Variants in ASB5 observed in about 807,000 individuals in gnomAD.
ASB5 encodes ankyrin repeat and SOCS box protein 5.
ASB5 carries 45 observed loss-of-function variants against 42.1 expected under a neutral mutation model. The ratio of observed to expected loss-of-function variants is 1.07; its 90% CI spans 0.84 to 1.37. The LOEUF (loss-of-function observed/expected upper bound fraction) is 1.37. ASB5 is among the 40% of genes most tolerant of loss of function. ASB5 has a pLI of 0.00. For missense variants in ASB5, 402 were observed against 399.8 expected, an observed-to-expected ratio of 1.01 and a Z score of -0.05; for synonymous variants, 147 against 150.6, an observed-to-expected ratio of 0.98 and a Z score of 0.18.
chr4:176,245,401 G>A (rs1024229992), intron 1 of ASB5, among the ~76,000 whole-genome samples: 5 of 152,126 alleles, frequency 3.3e-5, no homozygotes, highest in African/African-American at 1.2e-4. Flanking sequence ...GAAACAACAG[G>A]TGCTGGAGAG....
In ASB5 at chr4:176,266,592, G is replaced by T. The variant is rs6841344; in HGVS notation, c.196+2321C>A. Among the ~76,000 whole-genome samples, 1,388 of 152,058 alleles carry T rather than the reference G, an allele frequency of 9.1e-3. 14 individuals carry two copies. The highest frequency in any genetic ancestry group is 0.031 in the African/African-American group (1,272 of 41,494). On this transcript the variant is annotated intron_variant, in intron 1 of 6. Coordinates refer to ENST00000296525, the MANE Select transcript of ASB5 (RefSeq NM_080874.4). ...GAAGATTAAGAAAGAGTTTTATAAG[G>T]TACCTGATTTGCTCTCTTAATGTTA...
Position 176,221,556 on chromosome 4 carries a change from T to C in ASB5, c.429A>G (p.Ala143=). The C allele has an allele frequency of 6.2e-7, 1 of 1,613,804 alleles. No individual in the cohort carries two copies. The highest frequency in any genetic ancestry group is 8.5e-7 in the Non-Finnish European group (1 of 1,179,778). ...CACAGCTTGGACTGCCTTGGGAGCATGCGTTGAATAACGGAGTCACGCCAT... is the reference window on the plus strand; with the variant it reads ...CACAGCTTGGACTGCCTTGGGAGCACGCGTTGAATAACGGAGTCACGCCAT... ...TIDGVTPLFN[A]CSQGSPSCAE... is the part of the protein sequence containing the mutation. Residue 143 remains alanine, a synonymous_variant, in exon 4 of 7, where the codon GCA becomes GCG. Coordinates refer to ENST00000296525, the MANE Select transcript of ASB5 (RefSeq NM_080874.4).
chr4:176,235,575 T>G (rs1211725874), intron 1 of ASB5, among the ~76,000 whole-genome samples: 2 of 152,206 alleles, frequency 1.3e-5, no homozygotes, highest in Admixed American at 1.3e-4. Context: ...TATTTATTTA[T>G]TTAATTATCT....
At chr4:176,275,060 G>T (rs189937604) in intron 2 of ASB5, among the ~76,000 whole-genome samples, 1 of 151,776 alleles carries the variant, frequency 6.6e-6, no homozygotes, top group African/African-American at 2.4e-5. Flanking sequence ...GATTACAGGC[G>T]CATGCCACCA....
At position 176,217,129 on chromosome 4, in the gene ASB5, A is replaced by G. The variant is rs1300691479; in HGVS notation, c.671-120T>C. ...AGGTTATTAAGGGGACTTCAACTCT[A>G]TTTGTTATGAGTTATTTCTTTATAT... On this transcript the variant is annotated intron_variant, in intron 5 of 6. Transcript: ENST00000296525. The G allele has an allele frequency of 6.6e-6, 5 of 753,614 alleles. No homozygotes were observed. In the East Asian group the frequency reaches 1.3e-4, roughly 19 times the overall value. The allele number at this position is 753,614 out of a possible 1,614,324, so 46.7% of individuals were successfully genotyped here.
At chr4:176,229,580 G>A (rs1168632767) in intron 1 of ASB5, among the ~76,000 whole-genome samples, 6 of 151,880 alleles carry the variant, frequency 4.0e-5, no homozygotes, top group South Asian at 2.1e-4. Flanking sequence ...TATCCAAATC[G>A]CATCCCCCTG....
At chr4:176,228,117 T>A (rs1237014855) in intron 1 of ASB5, among the ~76,000 whole-genome samples, 1 of 152,240 alleles carries the variant, frequency 6.6e-6, no homozygotes, top group Non-Finnish European at 1.5e-5. Context: ...TTTAGCAAGA[T>A]CTTTTTAATT....
chr4:176,269,094 T>C lies in ASB5; in HGVS notation c.15A>G (p.Glu5=). The change falls in exon 1 of 7, where the codon GAA becomes GAG. Residue 5 remains glutamate (E), a synonymous_variant. Transcript: ENST00000296525. Reference sequence around the variant, plus strand: ...ATTGTTGAGCAAACGGCCGATTTTCTTCTAACACCGACATTGCTGCAGAAG... The same window carrying C: ...ATTGTTGAGCAAACGGCCGATTTTCCTCTAACACCGACATTGCTGCAGAAG... The part of the protein sequence containing the change: MSVL[E]ENRPFAQQLS... 1.1e-5 allele frequency: 17 copies of C among 1,610,596 alleles called. No individual in the cohort carries two copies. The highest frequency in any genetic ancestry group is 1.4e-5 in the Non-Finnish European group (17 of 1,178,090).
intron 1 of ASB5, among the ~76,000 whole-genome samples, chr4:176,266,238 C>T (rs1019313876): frequency 2.0e-5 from 3 of 152,084 alleles, no homozygotes; most frequent in African/African-American, 7.2e-5. Flanking sequence ...ACAGGGTCTT[C>T]GGTGATTATG....
At chr4:176,249,619 AG>A (rs1459688447) in intron 1 of ASB5, 1 of 152,166 alleles carries the variant, frequency 6.6e-6, no homozygotes, top group Non-Finnish European at 1.5e-5. Context: ...GAGAAGTAAC[AG>A]GGCATCCGAG....
At chr4:176,273,035 G>T (rs1287660518), upstream of ASB5, among the ~76,000 whole-genome samples, 1 of 144,198 alleles carries the variant, frequency 6.9e-6, no homozygotes, top group African/African-American at 2.6e-5. Flanking sequence ...CTGCAGCCTC[G>T]ACCTCCCAGG....
chr4:176,260,571 A>G (rs1754244241), intron 1 of ASB5, among the ~76,000 whole-genome samples: 1 of 152,240 alleles, frequency 6.6e-6, no homozygotes, highest in Admixed American at 6.5e-5. Flanking sequence ...TAAAAAGCCA[A>G]TGGTCTGCTT....
At chr4:176,232,868 A>G (rs988531400) in intron 1 of ASB5, among the ~76,000 whole-genome samples, 3 of 152,140 alleles carry the variant, frequency 2.0e-5, no homozygotes, top group African/African-American at 7.2e-5. Context: ...AAATTTAAGC[A>G]CAATAATTTT....
chr4:176,251,940 C>G (rs1754045600), intron 1 of ASB5, among the ~76,000 whole-genome samples: 1 of 151,522 alleles, frequency 6.6e-6, no homozygotes, highest in African/African-American at 2.4e-5. Flanking sequence ...GTGGTACACA[C>G]CTGTAGACCC....
At chr4:176,227,563 G>A (rs1753414408) in intron 1 of ASB5, among the ~76,000 whole-genome samples, 1 of 152,158 alleles carries the variant, frequency 6.6e-6, no homozygotes, top group South Asian at 2.1e-4. Context: ...GTCCTGCCCT[G>A]GTTGCTGGGC....
At chr4:176,240,298 G>A (rs56391762) in intron 1 of ASB5, among the ~76,000 whole-genome samples, 19,410 of 152,134 alleles carry the variant, frequency 0.13, 1,550 homozygotes, top group East Asian at 0.35. Flanking sequence ...CGTTACTACC[G>A]ACAGGGACTA....
At chr4:176,234,941 T>G (rs1753648923) in intron 1 of ASB5, among the ~76,000 whole-genome samples, 1 of 152,184 alleles carries the variant, frequency 6.6e-6, no homozygotes, top group Admixed American at 6.5e-5. Flanking sequence ...TGATTTCCAT[T>G]GCATTAGGAC....
intron 1 of ASB5, among the ~76,000 whole-genome samples, chr4:176,254,903 G>A (rs768091682): frequency 1.3e-5 from 2 of 152,216 alleles, no homozygotes; most frequent in East Asian, 1.9e-4. Context: ...AGGCCGAGGC[G>A]AGTGGATCAC....
chr4:176,237,177 G>A, intron 1 of ASB5: 2 of 657,194 alleles, frequency 3.0e-6, no homozygotes, highest in Non-Finnish European at 3.8e-6. Flanking sequence ...TGCCATACAT[G>A]TGCATTTCAA....
Sources: gnomAD v4.1 joint callset for allele counts (sites outside exome capture counted in the v4.1 genomes callset) on GRCh38, gnomAD v4.1.1 for gene constraint, MANE v1.5 for transcripts, NCBI Gene and HGNC (gene_info 2026-07-23, HGNC 2026-07-21) for gene names.